DNAJC10: variants seen among roughly 807,000 people sequenced by gnomAD.
The protein encoded by DNAJC10 is endoplasmic reticulum disulfide reductase DNAJC10.
In DNAJC10, 101 loss-of-function variants were observed where a neutral mutation model predicts 115.0. The ratio of observed to expected loss-of-function variants is 0.88; its 90% CI spans 0.75 to 1.04. The LOEUF (loss-of-function observed/expected upper bound fraction) is 1.04. Among genes scored for constraint, DNAJC10 ranks in the 50% least tolerant of loss-of-function variants. The pLI is 0.00. For missense variants in DNAJC10, 981 were observed against 928.8 expected, an observed-to-expected ratio of 1.06 and a Z score of -0.73; for synonymous variants, 307 against 301.5, an observed-to-expected ratio of 1.02 and a Z score of -0.19.
intron 10 of DNAJC10, among the ~76,000 whole-genome samples, chr2:182,734,736 C>A (rs1693543502): frequency 6.6e-6 from 1 of 151,468 alleles, no homozygotes; most frequent in Non-Finnish European, 1.5e-5. Flanking sequence ...TATTTTGATG[C>A]TTTGTTATTA....
chr2:182,780,687 T>G lies in DNAJC10; in HGVS notation c.*3555T>G, dbSNP rs1287791886. 1.3e-5 allele frequency: 2 copies of G among 152,188 alleles called. No individual in the cohort carries two copies. The highest frequency in any genetic ancestry group is 4.8e-5 in the African/African-American group (2 of 41,456). 9.4% of individuals were successfully genotyped at this position (152,188 alleles called of 1,614,324 possible). The stretch of plus-strand genomic sequence containing the variant: ...TCACTGGCTTGAGTCATTTTTCTGT[T>G]TAACACTGAATTTACACTTAGATTC... On this transcript the variant is annotated 3_prime_UTR_variant, in exon 24 of 24. Transcript: ENST00000264065.
chr2:182,770,911 CT>C (rs1239917370), intron 22 of DNAJC10, among the ~76,000 whole-genome samples: 1 of 152,078 alleles, frequency 6.6e-6, no homozygotes, highest in African/African-American at 2.4e-5. Context: ...TGCTTCCAGT[CT>C]TTGCCCATTC....
chr2:182,726,233 G>A (rs1260036831), intron 5 of DNAJC10, among the ~76,000 whole-genome samples: 3 of 152,032 alleles, frequency 2.0e-5, no homozygotes, highest in Non-Finnish European at 4.4e-5. Flanking sequence ...AATTAGAAGT[G>A]GAGCCTGATT....
chr2:182,744,315 A>G (rs1403330277), intron 14 of DNAJC10, among the ~76,000 whole-genome samples: 1 of 152,212 alleles, frequency 6.6e-6, no homozygotes, highest in Non-Finnish European at 1.5e-5. Context: ...TGAAATGCCC[A>G]TTAGCACCTA....
At chr2:182,769,033 A>G (rs1390510134) in intron 22 of DNAJC10, among the ~76,000 whole-genome samples, 1 of 151,908 alleles carries the variant, frequency 6.6e-6, no homozygotes, top group Non-Finnish European at 1.5e-5. Context: ...TGTCCAAGTG[A>G]TCTCATTGTT....
rs1559000554 is a variant in DNAJC10, at chr2:182,729,833, T to TA, written c.634-14dup. 6 of 1,541,036 alleles carry TA rather than the reference T, an allele frequency of 3.9e-6. No homozygotes were observed. In the South Asian group the frequency reaches 6.2e-5, roughly 16 times the overall value. On this transcript the variant is annotated splice_polypyrimidine_tract_variant and intron_variant, in intron 7 of 23. Transcript: ENST00000264065. The stretch of plus-strand genomic sequence containing the variant: ...AAAAAGTAAAAGATGTTTCTCTTCT[T>TA]ACAAAAACCAATAGGCCCCAGTGAA...
At chr2:182,730,408 C>T (rs570271349) in intron 8 of DNAJC10, 26 of 268,246 alleles carry the variant, frequency 9.7e-5, no homozygotes, top group Non-Finnish European at 1.7e-4. Context: ...AGTAAAGTTA[C>T]GTGTCAGAAA....
chr2:182,756,304 T>A lies in DNAJC10; in HGVS notation c.1654-10T>A. 6.2e-7 allele frequency: 1 copy of A among 1,605,452 alleles called. No individual in the cohort carries two copies. The highest frequency in any genetic ancestry group is 8.5e-7 in the Non-Finnish European group (1 of 1,176,056). On this transcript the variant is annotated splice_polypyrimidine_tract_variant and intron_variant, in intron 17 of 23. Coordinates refer to ENST00000264065, the MANE Select transcript of DNAJC10 (RefSeq NM_018981.4). ...TATATATGTTATAATGGAAGCTATA[T>A]TCTCTTCAGGATCTTATGAATCCTT...
At chr2:182,747,590 A>T (rs1379527686) in intron 14 of DNAJC10, among the ~76,000 whole-genome samples, 1 of 151,968 alleles carries the variant, frequency 6.6e-6, no homozygotes, top group Non-Finnish European at 1.5e-5. Context: ...GTATCCTGAG[A>T]CTTTGCTGAA....
At position 182,783,773 on chromosome 2, in the gene DNAJC10, A is replaced by C; in HGVS notation, c.*6641A>C. The C allele has an allele frequency of 6.6e-6, 1 of 151,278 alleles. No homozygotes were observed. Among genetic ancestry groups the C allele is most frequent in the Non-Finnish European group, 1.5e-5 (1 of 68,008 alleles). The allele number at this position is 151,278 out of a possible 1,614,324, so 9.4% of individuals were successfully genotyped here. A position where few individuals can be genotyped will look rare whatever the true frequency, so the allele number is the denominator to read the frequency against. Reference sequence around the variant, plus strand: ...CAGTATCTCATGTTTTACTATAAAAACTTGGGTATATTACTTGAAGATCAA... The same window carrying C: ...CAGTATCTCATGTTTTACTATAAAACCTTGGGTATATTACTTGAAGATCAA... On this transcript the variant is annotated 3_prime_UTR_variant, in exon 24 of 24. Transcript: ENST00000264065.
Position 182,729,910 on chromosome 2 carries a change from T to C in DNAJC10, c.696T>C (p.His232=), listed in dbSNP as rs757794320. 6.2e-6 allele frequency: 10 copies of C among 1,609,620 alleles called. No individual in the cohort carries two copies. Among genetic ancestry groups the C allele is most frequent in the Middle Eastern group, 1.6e-4 (1 of 6,072 alleles). ...GTTTAGTGAGTTTTGCAATGCAGCA[T>C]GTTAGAAGTACAGTGACAGAACTTT... ...KESLVSFAMQ[H]VRSTVTELWT... is the part of the protein sequence containing the mutation. Residue 232 remains histidine, a synonymous_variant, in exon 8 of 24, where the codon CAT becomes CAC. Transcript: ENST00000264065.
chr2:182,752,832 C>T (rs1273895126), intron 16 of DNAJC10, among the ~76,000 whole-genome samples: 2 of 152,040 alleles, frequency 1.3e-5, no homozygotes, highest in African/African-American at 2.4e-5. Flanking sequence ...CTGCACTTCC[C>T]AGTATGGGAG....
At chr2:182,739,807 A>C (rs937683922) in intron 11 of DNAJC10, 4 of 994,354 alleles carry the variant, frequency 4.0e-6, no homozygotes, top group Non-Finnish European at 4.8e-6. Flanking sequence ...TCCACTTCTA[A>C]GTTCCTCTTA....
Position 182,751,549 on chromosome 2 carries a change from T to A in DNAJC10, c.1307-109T>A, listed in dbSNP as rs186813628. On this transcript the variant is annotated intron_variant, in intron 14 of 23. Transcript: ENST00000264065. Reference sequence around the variant, plus strand: ...ACACTAAAACCTCACCAAAATCAATTTGTTCATAATTTATCTTCTTTAGTA... The same window carrying A: ...ACACTAAAACCTCACCAAAATCAATATGTTCATAATTTATCTTCTTTAGTA... The A allele has an allele frequency of 5.2e-3, 6,648 of 1,288,214 alleles. 35 individuals carry two copies. Among genetic ancestry groups the A allele is most frequent in the Non-Finnish European group, 6.1e-3 (5,635 of 929,058 alleles). The allele number at this position is 1,288,214 out of a possible 1,614,324, so 79.8% of individuals were successfully genotyped here. A position where few individuals can be genotyped will look rare whatever the true frequency, so the allele number is the denominator to read the frequency against.
chr2:182,776,860 T>G (rs1309253527), intron 23 of DNAJC10, among the ~76,000 whole-genome samples: 1 of 152,206 alleles, frequency 6.6e-6, no homozygotes, highest in Admixed American at 6.6e-5. Flanking sequence ...GAAATTAAGT[T>G]AAAGAGAATA....
Position 182,792,852 on chromosome 2 carries a change from G to C in DNAJC10, c.*15720G>C, listed in dbSNP as rs577392294. 1.3e-5 allele frequency: 2 copies of C among 152,218 alleles called. No individual in the cohort carries two copies. The highest frequency in any genetic ancestry group is 2.9e-5 in the Non-Finnish European group (2 of 68,044). The allele number at this position is 152,218 out of a possible 1,614,324, so 9.4% of individuals were successfully genotyped here. A position where few individuals can be genotyped will look rare whatever the true frequency, so the allele number is the denominator to read the frequency against. Reference sequence around the variant, plus strand: ...GGCTTTGTTCTATGCATTTAAGATAGTGTATTAAATGTATTGACCTCATGA... The same window carrying C: ...GGCTTTGTTCTATGCATTTAAGATACTGTATTAAATGTATTGACCTCATGA... On this transcript the variant is annotated 3_prime_UTR_variant, in exon 24 of 24. Coordinates refer to ENST00000264065, the MANE Select transcript of DNAJC10 (RefSeq NM_018981.4).
intron 18 of DNAJC10, 95 bp from the exon 19 acceptor site, chr2:182,757,596 AT>A (rs1694189414): frequency 4.8e-5 from 10 of 206,804 alleles, no homozygotes; most frequent in Non-Finnish European, 8.3e-5. Flanking sequence ...CTGATAAATA[AT>A]ATAATAACTG....
intron 11 of DNAJC10, 88 bp from the exon 12 acceptor site, chr2:182,740,211 A>C (rs763790503): frequency 3.5e-5 from 42 of 1,191,522 alleles, no homozygotes; most frequent in Non-Finnish European, 3.9e-5. Context: ...TTTCCTAAAA[A>C]TACTACATTG....
chr2:182,776,406 T>C (rs932606716), intron 23 of DNAJC10, among the ~76,000 whole-genome samples: 4 of 152,196 alleles, frequency 2.6e-5, no homozygotes, highest in African/African-American at 9.7e-5. Context: ...CAAATCGGTG[T>C]TACTGTAGAT....
Sources: gnomAD v4.1 joint callset for allele counts (sites outside exome capture counted in the v4.1 genomes callset) on GRCh38, gnomAD v4.1.1 for gene constraint, MANE v1.5 for transcripts, NCBI Gene and HGNC (gene_info 2026-07-23, HGNC 2026-07-21) for gene names.